PABPC4L: variants seen among roughly 807,000 people sequenced by gnomAD.
PABPC4L encodes the protein poly(A) binding protein cytoplasmic 4 like, also known as polyadenylate-binding protein 4-like.
For synonymous variants in PABPC4L, 169 were observed against 164.1 expected (o/e 1.03, Z -0.23); for missense variants, 452 against 451.4 (o/e 1.00, Z -0.01).
the PABPC4L span, among the ~76,000 whole-genome samples, chr4:134,031,491 A>G: frequency 6.6e-6 from 1 of 152,018 alleles, no homozygotes; most frequent in Admixed American, 6.6e-5. Context: ...TTTTTCTTTG[A>G]GACTCTTGTG....
the PABPC4L span, among the ~76,000 whole-genome samples, chr4:133,972,400 G>A: frequency 1.2e-4 from 18 of 152,120 alleles, 1 homozygote; most frequent in Admixed American, 1.0e-3. Flanking sequence ...ATACTGTTAT[G>A]TGTCACACAT....
At chr4:134,000,382 T>G in the PABPC4L span, among the ~76,000 whole-genome samples, 67 of 152,108 alleles carry the variant, frequency 4.4e-4, no homozygotes, top group Non-Finnish European at 8.8e-5. Flanking sequence ...AGCCAACAAT[T>G]TAAAGTAATA....
At chr4:134,188,830 A>ATCTGTTGT in the PABPC4L span, among the ~76,000 whole-genome samples, 1 of 152,068 alleles carries the variant, frequency 6.6e-6, no homozygotes, top group Admixed American at 6.5e-5. Flanking sequence ...AGCTTCCAGA[A>ATCTGTTGT]TCTGTTGTCT....
At chr4:134,136,964 G>T in the PABPC4L span, among the ~76,000 whole-genome samples, 3 of 151,954 alleles carry the variant, frequency 2.0e-5, no homozygotes, top group African/African-American at 7.2e-5. Flanking sequence ...AAAATTCTTA[G>T]TTGTGTTGAT....
chr4:134,045,160 C>T, the PABPC4L span, among the ~76,000 whole-genome samples: 1 of 151,996 alleles, frequency 6.6e-6, no homozygotes, highest in African/African-American at 2.4e-5. Context: ...ATATAATCAT[C>T]CTCTGAAATA....
At chr4:134,147,751 G>GTTGTTT in the PABPC4L span, among the ~76,000 whole-genome samples, 1 of 121,620 alleles carries the variant, frequency 8.2e-6, no homozygotes, top group Non-Finnish European at 1.8e-5. Context: ...GTGTGTGTGT[G>GTTGTTT]TTGTTGTTGT....
At chr4:134,104,915 A>G in the PABPC4L span, among the ~76,000 whole-genome samples, 1 of 151,852 alleles carries the variant, frequency 6.6e-6, no homozygotes, top group South Asian at 2.1e-4. Context: ...GGCATGACCA[A>G]TTACACATTA....
chr4:134,069,214 C>G, the PABPC4L span, among the ~76,000 whole-genome samples: 1 of 152,118 alleles, frequency 6.6e-6, no homozygotes, highest in African/African-American at 2.4e-5. Context: ...AAGTTTCCCT[C>G]TATAGGTAAC....
chr4:134,006,831 T>G, the PABPC4L span, among the ~76,000 whole-genome samples: 1 of 152,014 alleles, frequency 6.6e-6, no homozygotes, highest in African/African-American at 2.4e-5. Flanking sequence ...AAATTTTATG[T>G]AGTTTTACTT....
At chr4:134,004,396 A>C in the PABPC4L span, among the ~76,000 whole-genome samples, 1 of 151,966 alleles carries the variant, frequency 6.6e-6, no homozygotes, top group African/African-American at 2.4e-5. Flanking sequence ...AGAGGTGCTC[A>C]ATATCATCAG....
chr4:134,117,410 G>A, the PABPC4L span, among the ~76,000 whole-genome samples: 1 of 151,746 alleles, frequency 6.6e-6, no homozygotes, highest in Non-Finnish European at 1.5e-5. Context: ...TAACTACATG[G>A]AATGATAAAA....
chr4:134,197,633 T>C lies in PABPC4L; in HGVS notation c.*2274A>G, dbSNP rs567313444. 12 of 151,636 alleles carry C rather than the reference T, an allele frequency of 7.9e-5. No homozygotes were observed. Among genetic ancestry groups the C allele is most frequent in the African/African-American group, 2.9e-4 (12 of 41,476 alleles). The allele number at this position is 151,636 out of a possible 1,614,324, so 9.4% of individuals were successfully genotyped here. A position where few individuals can be genotyped will look rare whatever the true frequency, so the allele number is the denominator to read the frequency against. ...AATAAAAAACACCCCAACAGGAAAATAAATTATGATCATGAGACATTAACT... is the reference window on the plus strand; with the variant it reads ...AATAAAAAACACCCCAACAGGAAAACAAATTATGATCATGAGACATTAACT... On this transcript the variant is annotated 3_prime_UTR_variant, in exon 2 of 2. Coordinates refer to ENST00000421491, the MANE Select transcript of PABPC4L (RefSeq NM_001114734.2).
the PABPC4L span, among the ~76,000 whole-genome samples, chr4:134,164,710 T>A: frequency 6.6e-6 from 1 of 151,984 alleles, no homozygotes; most frequent in Non-Finnish European, 1.5e-5. Context: ...CAAAAGAATC[T>A]ACAGATTCAA....
the PABPC4L span, among the ~76,000 whole-genome samples, chr4:134,018,811 T>C: frequency 6.6e-6 from 1 of 152,124 alleles, no homozygotes; most frequent in Non-Finnish European, 1.5e-5. Context: ...GAGTAAAAAG[T>C]AGGAAACTAT....
chr4:134,172,472 A>G, the PABPC4L span, among the ~76,000 whole-genome samples: 3 of 152,138 alleles, frequency 2.0e-5, no homozygotes, highest in African/African-American at 4.8e-5. Flanking sequence ...AGAAGATTGA[A>G]CCTTGACTGC....
chr4:134,014,923 A>T, the PABPC4L span, among the ~76,000 whole-genome samples: 1 of 152,034 alleles, frequency 6.6e-6, no homozygotes, highest in African/African-American at 2.4e-5. Context: ...CCACCTGCCC[A>T]GTTCCCTTAT....
chr4:134,089,370 G>T, the PABPC4L span, among the ~76,000 whole-genome samples: 77 of 152,076 alleles, frequency 5.1e-4, no homozygotes, highest in African/African-American at 1.8e-3. Flanking sequence ...TGCTATATGC[G>T]TTGCAATTGA....
chr4:134,114,821 A>G, the PABPC4L span, among the ~76,000 whole-genome samples: 20 of 152,070 alleles, frequency 1.3e-4, no homozygotes, highest in African/African-American at 4.8e-4. Context: ...AGTTACACCA[A>G]TTAAAGTTAG....
At chr4:134,147,769 G>GTTT in the PABPC4L span, among the ~76,000 whole-genome samples, 772 of 148,970 alleles carry the variant, frequency 5.2e-3, 14 homozygotes, top group South Asian at 0.037. Flanking sequence ...TGTTGTTGTT[G>GTTT]TTTTTTCCTA....
Sources: allele counts gnomAD v4.1 joint callset (sites outside exome capture counted in the v4.1 genomes callset), GRCh38; gene constraint gnomAD v4.1.1; transcripts MANE v1.5; gene names NCBI Gene and HGNC (gene_info 2026-07-23, HGNC 2026-07-21).